Variants in SIPA1L2 observed in about 807,000 individuals in gnomAD.
SIPA1L2 encodes the protein signal-induced proliferation-associated 1-like protein 2.
A neutral mutation model predicts 163.9 loss-of-function variants in SIPA1L2; 56 were observed. That is an observed-to-expected ratio of 0.34 (90% confidence interval 0.28 to 0.43). The LOEUF is 0.43. SIPA1L2 is among the 20% of genes least tolerant of loss of function. The pLI, the probability that SIPA1L2 is intolerant of heterozygous loss-of-function variation, is 1.00. For synonymous variants in SIPA1L2, 877 were observed against 865.7 expected (o/e 1.01, Z -0.23); for missense variants, 1,974 against 2,193.5 (o/e 0.90, Z 2.00).
intron 1 of SIPA1L2, among the ~76,000 whole-genome samples, chr1:232,601,319 C>T (rs574310939): frequency 6.6e-6 from 1 of 152,330 alleles, no homozygotes; most frequent in East Asian, 1.9e-4. Context: ...CCAAGCAATC[C>T]TCCTACAGAA....
chr1:232,418,370 C>T (rs1045107440), intron 18 of SIPA1L2, among the ~76,000 whole-genome samples: 20 of 152,232 alleles, frequency 1.3e-4, no homozygotes, highest in African/African-American at 4.8e-4. Context: ...TTCCCCAGTA[C>T]TCAATAGAGT....
chr1:232,425,912 T>G, intron 17 of SIPA1L2, 104 bp from the exon 18 acceptor site: 2 of 1,013,230 alleles, frequency 2.0e-6, no homozygotes, highest in South Asian at 3.2e-5. Context: ...TGTGATAGCT[T>G]CTTTGAGTTT....
intron 5 of SIPA1L2, among the ~76,000 whole-genome samples, chr1:232,486,873 AAT>A (rs1665671970): frequency 6.6e-6 from 1 of 152,184 alleles, no homozygotes; most frequent in African/African-American, 2.4e-5. Context: ...GCTCCATCAT[AAT>A]ATAAAGTAAA....
chr1:232,536,728 T>C (rs1370623087), intron 2 of SIPA1L2, among the ~76,000 whole-genome samples: 1 of 152,122 alleles, frequency 6.6e-6, no homozygotes, highest in Admixed American at 6.5e-5. Context: ...GCAATATTGC[T>C]ATGGATGATT....
chr1:232,595,116 T>TA (rs1661185714), intron 1 of SIPA1L2, among the ~76,000 whole-genome samples: 1 of 152,188 alleles, frequency 6.6e-6, no homozygotes, highest in Non-Finnish European at 1.5e-5. Context: ...TTACCTTGCT[T>TA]ACCACTTTTC....
At chr1:232,559,994 G>A (rs1194555087) in intron 2 of SIPA1L2, among the ~76,000 whole-genome samples, 4 of 152,068 alleles carry the variant, frequency 2.6e-5, no homozygotes, top group Non-Finnish European at 5.9e-5. Context: ...CCTTCCTGTC[G>A]GTTCCCCTCA....
intron 18 of SIPA1L2, among the ~76,000 whole-genome samples, chr1:232,420,843 AGAAAGTGCC>A (rs1661536689): frequency 6.6e-6 from 1 of 152,220 alleles, no homozygotes; most frequent in South Asian, 2.1e-4. Flanking sequence ...TCAAAAAAAA[AGAAAGTGCC>A]AGCCTAGGCA....
chr1:232,573,342 C>T (rs1659905038), intron 2 of SIPA1L2, among the ~76,000 whole-genome samples: 1 of 152,154 alleles, frequency 6.6e-6, no homozygotes, highest in Non-Finnish European at 1.5e-5. Context: ...ATAACTAAAC[C>T]TCTGTTACCC....
At chr1:232,444,369 A>G (rs754610096) in intron 11 of SIPA1L2, among the ~76,000 whole-genome samples, 10 of 151,982 alleles carry the variant, frequency 6.6e-5, no homozygotes, top group Non-Finnish European at 1.0e-4. Flanking sequence ...GGTTCTGCAG[A>G]TCCCCTTCCT....
At chr1:232,555,522 C>T (rs1001398259) in intron 2 of SIPA1L2, among the ~76,000 whole-genome samples, 3 of 152,222 alleles carry the variant, frequency 2.0e-5, no homozygotes, top group African/African-American at 7.2e-5. Flanking sequence ...TAGGCTCTCA[C>T]TGAAGTATCA....
chr1:232,468,747 C>A (rs1664649892), intron 8 of SIPA1L2, among the ~76,000 whole-genome samples: 1 of 152,200 alleles, frequency 6.6e-6, no homozygotes, highest in Non-Finnish European at 1.5e-5. Flanking sequence ...TTAATTCACT[C>A]TTAGCTACCA....
intron 1 of SIPA1L2, among the ~76,000 whole-genome samples, chr1:232,626,952 C>T (rs530636708): frequency 8.6e-4 from 131 of 152,126 alleles, no homozygotes; most frequent in African/African-American, 2.8e-3. Flanking sequence ...TCTCACTCTG[C>T]AAATGAATTA....
In SIPA1L2 at chr1:232,464,986, C is replaced by T. The variant is rs1249554737; in HGVS notation, c.2674G>A (p.Val892Ile). ...MLIEKDSKNV[V>I]FNCSCRDVIG... ...ACATCCCTGCAGGAACAGTTGAATACAACATTCTTGGAATCCTTTTCAATC... is the reference window on the plus strand; with the variant it reads ...ACATCCCTGCAGGAACAGTTGAATATAACATTCTTGGAATCCTTTTCAATC... The change falls in exon 9 of 23, where the codon GTA becomes ATA. Residue 892 changes from valine (V) to isoleucine (I), a missense_variant. By Grantham distance (29) the Val-to-Ile change is conservative (BLOSUM62 3). Transcript: ENST00000674635. 1 of 1,614,090 alleles carries T rather than the reference C, an allele frequency of 6.2e-7. No homozygotes were observed. The highest frequency in any genetic ancestry group is 8.5e-7 in the Non-Finnish European group (1 of 1,180,054).
rs757557720 is a variant in SIPA1L2, at chr1:232,514,065, C to T, written c.1275G>A (p.Ala425=). 2.0e-5 allele frequency: 32 copies of T among 1,614,022 alleles called. No individual in the cohort carries two copies. Among genetic ancestry groups the T allele is most frequent in the East Asian group, 4.5e-5 (2 of 44,876 alleles). ...ETGGEGDRRI[A]LSRANSSSFS... ...AAGAGGATGAGTTGGCTCGAGAGAG[C>T]GCAATCCGCCTGTCGCCTTCCCCTC... is the stretch of plus-strand genomic sequence containing the variant. Residue 425 remains alanine, a synonymous_variant, in exon 3 of 23, where the codon GCG becomes GCA. Coordinates refer to ENST00000674635, the MANE Select transcript of SIPA1L2 (RefSeq NM_020808.5).
intron 8 of SIPA1L2, among the ~76,000 whole-genome samples, chr1:232,466,412 C>T (rs780305438): frequency 8.5e-5 from 13 of 152,266 alleles, no homozygotes; most frequent in South Asian, 8.3e-4. Flanking sequence ...AAACCAATAA[C>T]GCTCCCCTAC....
rs374162750 is a variant in SIPA1L2, at chr1:232,571,736, T to C, written c.-270+2438A>G. On this transcript the variant is annotated intron_variant, in intron 2 of 22. Transcript: ENST00000674635. The stretch of plus-strand genomic sequence containing the variant: ...TCCTTCAGTTAGTTCACATGAAATA[T>C]GGTTGTTTAAGAGAGTCTGGGACCT... Among the ~76,000 whole-genome samples, 13 of 152,266 alleles carry C rather than the reference T, an allele frequency of 8.5e-5. No individual in the cohort carries two copies. In the East Asian group the frequency reaches 2.5e-3, roughly 29 times the overall value.
At chr1:232,555,794 A>G (rs948443183) in intron 2 of SIPA1L2, among the ~76,000 whole-genome samples, 99 of 152,338 alleles carry the variant, frequency 6.5e-4, no homozygotes, top group African/African-American at 2.3e-3. Context: ...AGGTCCTAGA[A>G]AGCACAATAC....
chr1:232,473,519 C>G (rs561831852), intron 7 of SIPA1L2, among the ~76,000 whole-genome samples: 1 of 152,326 alleles, frequency 6.6e-6, no homozygotes, highest in East Asian at 1.9e-4. Context: ...GAGACTGCAA[C>G]AGCAAATTGC....
rs755623307 is a variant in SIPA1L2, at chr1:232,514,157, C to T, written c.1183G>A (p.Ala395Thr). The change falls in exon 3 of 23, where the codon GCC becomes ACC. Residue 395 changes from alanine to threonine, a missense_variant. Ala to Thr is a moderately conservative substitution (Grantham distance 58, BLOSUM62 0). This residue lies in a region of SIPA1L2 where 607 missense variants were observed against 624.0 expected (regional missense o/e 0.97). Transcript: ENST00000674635. The stretch of plus-strand genomic sequence containing the variant: ...TTACTTTTCCCATCACCCTCATCGG[C>T]ATCCAGGTTCTCTTTGGAGTTGAGG... The part of the protein sequence containing the change: ...EDLNSKENLD[A>T]DEGDGKSNDL... 14 of 1,614,242 alleles carry T rather than the reference C, an allele frequency of 8.7e-6. No homozygotes were observed. The East Asian group carries it at 2.9e-4, about 33-fold the overall frequency.
Sources: gnomAD v4.1 joint callset for allele counts (sites outside exome capture counted in the v4.1 genomes callset) on GRCh38, gnomAD v4.1.1 for gene constraint, gnomAD v4.1.1 regional missense constraint, MANE v1.5 for transcripts, NCBI Gene and HGNC (gene_info 2026-07-23, HGNC 2026-07-21) for gene names.